PRELID2: variants seen among roughly 807,000 people sequenced by gnomAD.
PRELID2 encodes PRELI domain containing 2.
Under a neutral mutation model 28.4 loss-of-function variants are expected in PRELID2, and 25 were observed. That is an observed-to-expected ratio of 0.88 (90% CI 0.64 to 1.23). The LOEUF (loss-of-function observed/expected upper bound fraction) is 1.23, where lower values mean the gene tolerates loss of function less well. Ranked by LOEUF, PRELID2 falls within the 50% of genes most tolerant of loss-of-function variation. PRELID2 has a pLI of 0.00. For missense variants in PRELID2, 201 were observed against 214.4 expected, an observed-to-expected ratio of 0.94 and a Z score of 0.39; for synonymous variants, 76 against 71.6, an observed-to-expected ratio of 1.06 and a Z score of -0.31.
At chr5:145,289,075 G>C in the PRELID2 span, among the ~76,000 whole-genome samples, 1 of 152,120 alleles carries the variant, frequency 6.6e-6, no homozygotes, top group East Asian at 1.9e-4. Context: ...TCATACATTT[G>C]TAATACAGTT....
chr5:145,285,664 A>T, the PRELID2 span, among the ~76,000 whole-genome samples: 4 of 152,222 alleles, frequency 2.6e-5, no homozygotes, highest in African/African-American at 9.6e-5. Flanking sequence ...ACAGCAACAA[A>T]ACCCTCCAGC....
intron 1 of PRELID2, among the ~76,000 whole-genome samples, chr5:145,670,602 C>G (rs1754686923): frequency 6.6e-6 from 1 of 152,140 alleles, no homozygotes; most frequent in Admixed American, 6.6e-5. Flanking sequence ...ACCTAACAGT[C>G]CCACTCTCCA....
chr5:145,354,922 T>C, the PRELID2 span, among the ~76,000 whole-genome samples: 1 of 152,168 alleles, frequency 6.6e-6, no homozygotes, highest in African/African-American at 2.4e-5. Context: ...GCTCTCTTTT[T>C]ATTTGTTCTT....
At chr5:145,522,887 G>T (rs547432139) in intron 1 of PRELID2, among the ~76,000 whole-genome samples, 22 of 151,966 alleles carry the variant, frequency 1.4e-4, no homozygotes, top group African/African-American at 5.3e-4. Context: ...GGAGAGAAAA[G>T]AAAGAAGGAA....
At chr5:145,598,687 G>A (rs1753345715) in intron 1 of PRELID2, among the ~76,000 whole-genome samples, 1 of 152,072 alleles carries the variant, frequency 6.6e-6, no homozygotes, top group African/African-American at 2.4e-5. Flanking sequence ...ACATTTCTTG[G>A]CTCTGGGGAT....
the PRELID2 span, among the ~76,000 whole-genome samples, chr5:145,255,663 C>G: frequency 6.6e-6 from 1 of 151,676 alleles, no homozygotes; most frequent in Non-Finnish European, 1.5e-5. Flanking sequence ...TACCTATAGT[C>G]CCAGCTACTT....
chr5:145,508,919 T>G (rs1752437866), intron 1 of PRELID2, among the ~76,000 whole-genome samples: 1 of 152,196 alleles, frequency 6.6e-6, no homozygotes, highest in South Asian at 2.1e-4. Context: ...AACTGAGGCT[T>G]GACTCTCCAT....
At chr5:145,751,363 T>C (rs1406478487), downstream of PRELID2, among the ~76,000 whole-genome samples, 1 of 152,338 alleles carries the variant, frequency 6.6e-6, no homozygotes, top group South Asian at 2.1e-4. Context: ...TCACGGCTTC[T>C]CTAACTTTTT....
the PRELID2 span, among the ~76,000 whole-genome samples, chr5:145,343,631 T>C: frequency 6.6e-6 from 1 of 151,184 alleles, no homozygotes; most frequent in Non-Finnish European, 1.5e-5. Flanking sequence ...GATCAAACCA[T>C]ACCCAAAATT....
At chr5:145,464,114 A>G in the PRELID2 span, among the ~76,000 whole-genome samples, 6 of 152,278 alleles carry the variant, frequency 3.9e-5, no homozygotes, top group African/African-American at 1.2e-4. Context: ...GGTCTCATAT[A>G]TCAGATAGGA....
At chr5:145,388,690 G>A in the PRELID2 span, among the ~76,000 whole-genome samples, 2 of 151,888 alleles carry the variant, frequency 1.3e-5, no homozygotes, top group African/African-American at 2.4e-5. Flanking sequence ...TCCATCTCAG[G>A]GATTGGTCCT....
chr5:145,716,238 G>A (rs777390366), intron 1 of PRELID2, among the ~76,000 whole-genome samples: 3 of 152,132 alleles, frequency 2.0e-5, no homozygotes, highest in South Asian at 2.1e-4. Context: ...TATATGTAGC[G>A]ACTAGAATAG....
the PRELID2 span, among the ~76,000 whole-genome samples, chr5:145,270,740 G>A: frequency 6.6e-6 from 1 of 152,020 alleles, no homozygotes; most frequent in East Asian, 1.9e-4. Flanking sequence ...TACTTAATAG[G>A]AATGTGTTAT....
chr5:145,694,737 A>G lies in PRELID2; in HGVS notation n.70+70194T>C, dbSNP rs1035709699. The stretch of plus-strand genomic sequence containing the variant: ...TTTTTAGTGACTACTGTGTGAATAG[A>G]ATGCACAAAAATCACGCTTTCATAT... On this transcript the variant is annotated intron_variant and non_coding_transcript_variant, in intron 1 of 2. Transcript: ENST00000510259. Among the ~76,000 whole-genome samples, 6 of 152,146 alleles carry G rather than the reference A, an allele frequency of 3.9e-5. No individual in the cohort carries two copies. In the South Asian group the frequency reaches 1.2e-3, roughly 31 times the overall value.
the PRELID2 span, among the ~76,000 whole-genome samples, chr5:145,348,827 A>G: frequency 6.6e-6 from 1 of 152,124 alleles, no homozygotes; most frequent in Non-Finnish European, 1.5e-5. Context: ...GTATGTTAAA[A>G]TGTTGAAACT....
chr5:145,766,495 T>C (rs1467343866), intron 5 of PRELID2, among the ~76,000 whole-genome samples: 1 of 152,138 alleles, frequency 6.6e-6, no homozygotes, highest in Non-Finnish European at 1.5e-5. Context: ...ATAAAATATA[T>C]TTAACACCAA....
At chr5:145,238,283 C>T in the PRELID2 span, among the ~76,000 whole-genome samples, 1 of 152,138 alleles carries the variant, frequency 6.6e-6, no homozygotes, top group African/African-American at 2.4e-5. Context: ...TTGTTATCCC[C>T]ATTTCACAGA....
chr5:145,245,284 A>C, the PRELID2 span, among the ~76,000 whole-genome samples: 2 of 152,116 alleles, frequency 1.3e-5, no homozygotes, highest in Non-Finnish European at 2.9e-5. Flanking sequence ...ACCAATTTTA[A>C]ATAAATTTGT....
At chr5:145,765,818 C>A (rs991076730) in intron 5 of PRELID2, among the ~76,000 whole-genome samples, 1 of 152,158 alleles carries the variant, frequency 6.6e-6, no homozygotes. Flanking sequence ...CATAAAACCT[C>A]CAAATAAGTA....
Sources: allele counts gnomAD v4.1 joint callset (sites outside exome capture counted in the v4.1 genomes callset), GRCh38; gene constraint gnomAD v4.1.1; transcripts MANE v1.5; gene names NCBI Gene and HGNC (gene_info 2026-07-23, HGNC 2026-07-21).